RO60: variants seen among roughly 807,000 people sequenced by gnomAD.
RO60 encodes Ro60, Y RNA binding protein, also known as RNA-binding protein RO60.
A neutral mutation model predicts 55.3 loss-of-function variants in RO60; 20 were observed. The observed-to-expected ratio is 0.36, with a 90% confidence interval of 0.25 to 0.53. The LOEUF (loss-of-function observed/expected upper bound fraction) is 0.53. RO60 is among the 20% of genes least tolerant of loss of function. The pLI is 0.92. For missense variants in RO60, 558 were observed against 646.6 expected (o/e 0.86, Z 1.49); for synonymous variants, 213 against 213.6 (o/e 1.00, Z 0.02).
chr1:193,074,145 A>G (rs1448878352), intron 2 of RO60, among the ~76,000 whole-genome samples: 2 of 152,174 alleles, frequency 1.3e-5, no homozygotes. Context: ...ATTGCTGGAC[A>G]TTTGGGCTGG....
rs1239933367 is a variant in RO60 at position 193,069,594 on chromosome 1, A to C, written c.540A>C (p.Lys180Asn). ...AACAGAGAAATGGCTGGTCTCACAA[A>C]GATCTATTAAGATTGTCACATCTTA... ...KYKQRNGWSHKDLLRLSHLKP... is the reference protein window; with the variant it reads ...KYKQRNGWSHNDLLRLSHLKP... The change falls in exon 2 of 9, where the codon AAA becomes AAC. Residue 180 changes from lysine to asparagine, a missense_variant. Transcript: ENST00000400968. 13 of 1,613,926 alleles carry C rather than the reference A, an allele frequency of 8.1e-6. No individual in the cohort carries two copies. Among genetic ancestry groups the C allele is most frequent in the Non-Finnish European group, 1.0e-5 (12 of 1,179,840 alleles).
At position 193,082,408 on chromosome 1, in the gene RO60, T is replaced by G. The variant is rs1674375691; in HGVS notation, c.1317+109T>G. The G allele has an allele frequency of 5.2e-6, 7 of 1,336,276 alleles. No individual in the cohort carries two copies. The Admixed American group carries it at 6.9e-5, about 13-fold the overall frequency. The allele number at this position is 1,336,276 out of a possible 1,614,324, so 82.8% of individuals were successfully genotyped here. ...TAATCTGTGAGAACAAAATTTTTTT[T>G]GTCTTAATTTTTGCATGACAAGTAC... On this transcript the variant is annotated intron_variant, in intron 7 of 8. Transcript: ENST00000400968.
In RO60 at chr1:193,082,177, A is replaced by AT. The variant is rs1348832662; in HGVS notation, c.1204-4dup. 10 of 1,594,194 alleles carry AT rather than the reference A, an allele frequency of 6.3e-6. No homozygotes were observed. The highest frequency in any genetic ancestry group is 8.6e-6 in the Non-Finnish European group (10 of 1,165,954). On this transcript the variant is annotated splice_polypyrimidine_tract_variant and intron_variant, in intron 6 of 8. Coordinates refer to ENST00000400968, the MANE Select transcript of RO60 (RefSeq NM_001173524.2). ...ATTTGCTGAAAATTACTGCCATTGA[A>AT]TTTTTCAGGTTGTCACACGAACAGA...
intron 2 of RO60, among the ~76,000 whole-genome samples, chr1:193,075,233 T>C (rs1231595224): frequency 6.6e-6 from 1 of 151,854 alleles, no homozygotes; most frequent in Non-Finnish European, 1.5e-5. Flanking sequence ...TCCAAGGCTC[T>C]TTTCTCTTTC....
intron 2 of RO60, among the ~76,000 whole-genome samples, chr1:193,070,074 CTG>C (rs1673377589): frequency 6.6e-6 from 1 of 151,358 alleles, no homozygotes; most frequent in Non-Finnish European, 1.5e-5. Context: ...ACTTAGGTAA[CTG>C]TACACAGCTG....
At chr1:193,091,246 A>G (rs79799844), downstream of RO60, 1,586 of 158,638 alleles carry the variant, frequency 1.0e-2, 14 homozygotes, top group Non-Finnish European at 0.016. Flanking sequence ...ATATAGTAGT[A>G]AAACATAAAG....
chr1:193,060,105 C>T (rs1340730564), intron 1 of RO60: 43 of 1,220,422 alleles, frequency 3.5e-5, no homozygotes, highest in Non-Finnish European at 1.0e-6. Flanking sequence ...CTTTCTCCTC[C>T]TTCTCCCGCG....
intron 2 of RO60, chr1:193,070,543 TGCACCG>T: frequency 4.7e-6 from 2 of 425,916 alleles, no homozygotes; most frequent in Admixed American, 2.6e-5. Flanking sequence ...TTTTTTTTTT[TGCACCG>T]GAAGTGAAAC....
In RO60 at chr1:193,082,585, C is replaced by G; in HGVS notation, c.1341C>G (p.Cys447Trp). The G allele has an allele frequency of 6.2e-7, 1 of 1,613,846 alleles. No homozygotes were observed. The highest frequency in any genetic ancestry group is 8.5e-7 in the Non-Finnish European group (1 of 1,179,892). Reference protein sequence around the residue: ...MSQIPAGGTDCSLPMIWAQKT... With the variant: ...MSQIPAGGTDWSLPMIWAQKT... ...AGATCCCAGCAGGTGGAACTGATTG[C>G]TCTCTTCCAATGATCTGGGCTCAGA... Residue 447 changes from cysteine (C) to tryptophan (W), a missense_variant, in exon 8 of 9, where the codon TGC (cysteine) becomes TGG (tryptophan). Physicochemically the swap from Cys to Trp is radical, Grantham distance 215. Transcript: ENST00000400968.
chr1:193,060,983 C>A (rs1344994411), intron 1 of RO60, among the ~76,000 whole-genome samples: 1 of 151,760 alleles, frequency 6.6e-6, no homozygotes, highest in Non-Finnish European at 1.5e-5. Flanking sequence ...TACTTGATAC[C>A]CAACTTAATT....
chr1:193,081,611 T>C, intron 6 of RO60, 131 bp downstream of exon 6: 1 of 574,838 alleles, frequency 1.7e-6, no homozygotes, highest in Non-Finnish European at 3.0e-6. Flanking sequence ...ATTTTTAATT[T>C]TATATTTAAA....
intron 8 of RO60, among the ~76,000 whole-genome samples, chr1:193,084,167 A>G (rs188153134): frequency 2.0e-5 from 3 of 152,252 alleles, no homozygotes; most frequent in Non-Finnish European, 2.9e-5. Context: ...TATATCGCAC[A>G]TATCAAAGTC....
At chr1:193,084,457 A>G (rs1674526343) in intron 8 of RO60, 122 bp from the exon 9 acceptor site, 1 of 1,213,014 alleles carries the variant, frequency 8.2e-7, no homozygotes, top group Non-Finnish European at 1.1e-6. Context: ...TGACCCCCGC[A>G]AAAAAATGAC....
intron 8 of RO60, among the ~76,000 whole-genome samples, chr1:193,083,482 A>G (rs1402740087): frequency 1.3e-5 from 2 of 152,234 alleles, no homozygotes; most frequent in African/African-American, 2.4e-5. Context: ...CACTAATCAC[A>G]TGGGACTTTT....
In RO60 at chr1:193,087,983, A is replaced by G. The variant is rs1044023730; in HGVS notation, c.*3252A>G. On this transcript the variant is annotated 3_prime_UTR_variant, in exon 9 of 9. Coordinates refer to ENST00000400968, the MANE Select transcript of RO60 (RefSeq NM_001173524.2). ...AAGATCTTCTTGGACAGACCTAGAA[A>G]AACAAGCTTATACTCTGAGGAAATG... 1.3e-5 allele frequency: 2 copies of G among 151,944 alleles called. No homozygotes were observed. The highest frequency in any genetic ancestry group is 2.9e-5 in the Non-Finnish European group (2 of 68,002). 9.4% of individuals were successfully genotyped at this position (151,944 alleles called of 1,614,324 possible). A position where few individuals can be genotyped will look rare whatever the true frequency, so the allele number is the denominator to read the frequency against.
In RO60 at chr1:193,059,762, G is replaced by A; in HGVS notation, c.-36G>A. ...GGCGGCGCTGCGGATCCAGGGGGTC[G>A]GCTGCCAGGTACAGGTGAGGACATT... is the stretch of plus-strand genomic sequence containing the variant. On this transcript the variant is annotated 5_prime_UTR_variant, in exon 1 of 9. Coordinates refer to ENST00000400968, the MANE Select transcript of RO60 (RefSeq NM_001173524.2). The surrounding 1 kb of genome is among the most constrained non-coding windows in gnomAD (Gnocchi z 4.9). 1 of 1,356,028 alleles carries A rather than the reference G, an allele frequency of 7.4e-7. No homozygotes were observed. Among genetic ancestry groups the A allele is most frequent in the Non-Finnish European group, 9.8e-7 (1 of 1,017,242 alleles). The allele number at this position is 1,356,028 out of a possible 1,614,324, so 84.0% of individuals were successfully genotyped here.
chr1:193,084,283 T>G (rs573967924), intron 8 of RO60, among the ~76,000 whole-genome samples: 4 of 152,328 alleles, frequency 2.6e-5, no homozygotes, highest in Admixed American at 1.3e-4. Context: ...CTTAATAACC[T>G]GACAGGTTTC....
chr1:193,061,983 CAAA>C (rs199670965), intron 1 of RO60, among the ~76,000 whole-genome samples: 2 of 76,226 alleles, frequency 2.6e-5, no homozygotes, highest in Admixed American at 1.4e-4. Flanking sequence ...GAGTCTGTCT[CAAA>C]AAAAAAAAAA....
chr1:193,066,333 TC>T (rs1354020809), intron 1 of RO60, among the ~76,000 whole-genome samples: 1 of 152,194 alleles, frequency 6.6e-6, no homozygotes, highest in Non-Finnish European at 1.5e-5. Context: ...TTACTTTCCT[TC>T]ATAGTTTATA....
Sources: allele counts gnomAD v4.1 joint callset (sites outside exome capture counted in the v4.1 genomes callset), GRCh38; gene constraint gnomAD v4.1.1; non-coding constraint Gnocchi (gnomAD v3.1); transcripts MANE v1.5; gene names NCBI Gene and HGNC (gene_info 2026-07-23, HGNC 2026-07-21).